Variants in MTERF4 observed in about 807,000 individuals in gnomAD.
MTERF4 encodes the protein transcription termination factor 4, mitochondrial.
A neutral mutation model predicts 22.5 loss-of-function variants in MTERF4; 17 were observed. The observed-to-expected ratio is 0.75, with a 90% CI of 0.52 to 1.13. The LOEUF is 1.13. MTERF4 is among the 50% of genes most tolerant of loss of function. The pLI, the probability that MTERF4 is intolerant of heterozygous loss-of-function variation, is 0.00. For missense variants in MTERF4, 420 were observed against 466.8 expected (o/e 0.90, Z 0.92); for synonymous variants, 165 against 175.3 (o/e 0.94, Z 0.47).
Position 241,078,250 on chromosome 2 carries a change from G to C in MTERF4, n.480-2568C>G, listed in dbSNP as rs1355212305. Among the ~76,000 whole-genome samples, 3 of 151,674 alleles carry C rather than the reference G, an allele frequency of 2.0e-5. 1 individual carries two copies. The highest frequency in any genetic ancestry group is 7.3e-5 in the African/African-American group (3 of 41,016). ...ATACAAAAATTAGCTGGGCGTGGTGGCGGGCGCCTGTAGTCCCAGCTCCTC... is the reference window on the plus strand; with the variant it reads ...ATACAAAAATTAGCTGGGCGTGGTGCCGGGCGCCTGTAGTCCCAGCTCCTC... On this transcript the variant is annotated intron_variant and non_coding_transcript_variant, in intron 4 of 4. Coordinates refer to the MTERF4 transcript ENST00000464344.
chr2:241,067,981 T>G (rs2062532928), downstream of MTERF4: 2 of 1,570,720 alleles, frequency 1.3e-6, no homozygotes, highest in Non-Finnish European at 1.7e-6. Context: ...GGGGCTGGGG[T>G]GAAGGCAGGG....
At chr2:241,101,685 C>G (rs1328101629) in intron 1 of MTERF4, among the ~76,000 whole-genome samples, 1 of 152,240 alleles carries the variant, frequency 6.6e-6, no homozygotes, top group Admixed American at 6.5e-5. Flanking sequence ...AGCCTAAAGA[C>G]CTCTATGCTG....
downstream of MTERF4, among the ~76,000 whole-genome samples, chr2:241,085,468 A>G (rs1416944608): frequency 6.6e-6 from 1 of 152,170 alleles, no homozygotes; most frequent in Non-Finnish European, 1.5e-5. Flanking sequence ...TATCTTCATT[A>G]TCTTTATATT....
chr2:241,053,263 G>A, the MTERF4 span: 51 of 1,602,164 alleles, frequency 3.2e-5, no homozygotes, highest in East Asian at 7.8e-4. Flanking sequence ...CAGCCTGAGC[G>A]CCCCCAGCCG....
At chr2:241,048,820 G>A in the MTERF4 span, 1 of 1,443,596 alleles carries the variant, frequency 6.9e-7, no homozygotes, top group East Asian at 2.4e-5. Context: ...TCATAATCGG[G>A]AAATGAATGG....
At chr2:241,087,722 A>G (rs1575141742), downstream of MTERF4, 1 of 1,344,440 alleles carries the variant, frequency 7.4e-7, no homozygotes, top group Non-Finnish European at 9.5e-7. Context: ...CTGGTTATGC[A>G]TATTCACACA....
At chr2:241,069,006 C>T (rs906032814), downstream of MTERF4, 8 of 1,552,062 alleles carry the variant, frequency 5.2e-6, no homozygotes, top group South Asian at 1.2e-5. This position sits in a 1 kb window ranked among gnomAD's most constrained non-coding sequence, Gnocchi z 4.9. Context: ...GCCACCGCGC[C>T]GACGCACGTG....
At chr2:241,069,035 A>G, downstream of MTERF4, 1 of 1,533,726 alleles carries the variant, frequency 6.5e-7, no homozygotes, top group Non-Finnish European at 8.8e-7. The surrounding 1 kb of genome is among the most constrained non-coding windows in gnomAD (Gnocchi z 4.9). Context: ...TGAGTAGAGC[A>G]GCGCGGCCCC....
chr2:241,047,889 A>G, the MTERF4 span, among the ~76,000 whole-genome samples: 53 of 145,620 alleles, frequency 3.6e-4, no homozygotes, highest in African/African-American at 1.3e-3. Flanking sequence ...GTTCTGTCCA[A>G]TCCTGGGTGG....
chr2:241,091,505 G>A (rs1266317049), downstream of MTERF4: 1 of 152,234 alleles, frequency 6.6e-6, no homozygotes, highest in Non-Finnish European at 1.5e-5. The surrounding 1 kb of genome is among the most constrained non-coding windows in gnomAD (Gnocchi z 4.1). Flanking sequence ...GAATCCTGGT[G>A]CTCTAAGAAC....
At chr2:241,090,807 C>T (rs2063910624), downstream of MTERF4, among the ~76,000 whole-genome samples, 1 of 150,314 alleles carries the variant, frequency 6.7e-6, no homozygotes. Context: ...GCAGAGGTTG[C>T]AGTGGGCTGA....
intron 4 of MTERF4, among the ~76,000 whole-genome samples, chr2:241,078,395 A>G (rs934103722): frequency 2.0e-5 from 3 of 149,190 alleles, no homozygotes; most frequent in Admixed American, 6.6e-5. Flanking sequence ...AAAAAAAAAA[A>G]AAAGAAAGAA....
intron 1 of MTERF4, among the ~76,000 whole-genome samples, chr2:241,100,372 A>G (rs1194353455): frequency 6.6e-6 from 1 of 152,230 alleles, no homozygotes; most frequent in African/African-American, 2.4e-5. Flanking sequence ...TGAGACACCA[A>G]GACCAAACTC....
chr2:241,097,160 C>A, intron 3 of MTERF4, 83 bp downstream of exon 3: 1 of 1,505,876 alleles, frequency 6.6e-7, no homozygotes, highest in South Asian at 1.2e-5. Context: ...CGGTACCAGT[C>A]ATTCTCACCT....
In MTERF4 at chr2:241,073,354, G is replaced by A. The variant is rs377687151; in HGVS notation, n.2808C>T. ...TCCAGCTCCCTGAACACGGCAGCAAGGACATCGGAAGTGAGTCAGCAGCGC... is the reference window on the plus strand; with the variant it reads ...TCCAGCTCCCTGAACACGGCAGCAAAGACATCGGAAGTGAGTCAGCAGCGC... On this transcript the variant is annotated non_coding_transcript_exon_variant, in exon 5 of 5. Transcript: ENST00000464344. This position sits in a 1 kb window ranked among gnomAD's most constrained non-coding sequence, Gnocchi z 6.6. 2 of 1,569,978 alleles carry A rather than the reference G, an allele frequency of 1.3e-6. No individual in the cohort carries two copies. The highest frequency in any genetic ancestry group is 1.7e-6 in the Non-Finnish European group (2 of 1,158,674).
Position 241,096,105 on chromosome 2 carries a change from C to T in MTERF4, c.1039G>A (p.Asp347Asn). Reference sequence around the variant, plus strand: ...TCATCCTCATCATTGTCCTCCTCATCATCGTCATCCTCATCCTCATCCAGA... The same window carrying T: ...TCATCCTCATCATTGTCCTCCTCATTATCGTCATCCTCATCCTCATCCAGA... ...ASLDEDEDDD[D>N]EEDNDEDDND... is the part of the protein sequence containing the mutation. The change falls in exon 4 of 4, where the codon GAT becomes AAT. Residue 347 changes from aspartate to asparagine, a missense_variant. By Grantham distance (23) the Asp-to-Asn change is conservative. Transcript: ENST00000391980. This position sits in a 1 kb window ranked among gnomAD's most constrained non-coding sequence, Gnocchi z 5.1. 6.2e-7 allele frequency: 1 copy of T among 1,613,628 alleles called. No homozygotes were observed. Among genetic ancestry groups the T allele is most frequent in the African/African-American group, 1.3e-5 (1 of 74,866 alleles).
In MTERF4 at chr2:241,073,774, G is replaced by A; in HGVS notation, n.2388C>T. ...GAGAAGCAGAGGGAGCAGCCACTGGGCGAGCCCCAGCTTGAGGACTAGCTG... is the reference window on the plus strand; with the variant it reads ...GAGAAGCAGAGGGAGCAGCCACTGGACGAGCCCCAGCTTGAGGACTAGCTG... On this transcript the variant is annotated non_coding_transcript_exon_variant, in exon 5 of 5. Transcript: ENST00000464344. This position sits in a 1 kb window ranked among gnomAD's most constrained non-coding sequence, Gnocchi z 6.6. The A allele has an allele frequency of 3.0e-6, 1 of 335,906 alleles. No homozygotes were observed. 20.8% of individuals were successfully genotyped at this position (335,906 alleles called of 1,614,324 possible). A position where few individuals can be genotyped will look rare whatever the true frequency, so the allele number is the denominator to read the frequency against.
At chr2:241,051,034 G>C in the MTERF4 span, among the ~76,000 whole-genome samples, 2,295 of 152,328 alleles carry the variant, frequency 0.015, 69 homozygotes, top group African/African-American at 0.051. This position sits in a 1 kb window ranked among gnomAD's most constrained non-coding sequence, Gnocchi z 4.7. Flanking sequence ...GTCCTCAGGG[G>C]TGGGGCAGCC....
chr2:241,060,262 A>C, the MTERF4 span, among the ~76,000 whole-genome samples: 1 of 151,466 alleles, frequency 6.6e-6, no homozygotes, highest in Non-Finnish European at 1.5e-5. Flanking sequence ...GGCTCACTGC[A>C]ACCTCCGCCT....
Sources: gnomAD v4.1 joint callset for allele counts (sites outside exome capture counted in the v4.1 genomes callset) on GRCh38, gnomAD v4.1.1 for gene constraint, Gnocchi (gnomAD v3.1) non-coding constraint, MANE v1.5 for transcripts, NCBI Gene and HGNC (gene_info 2026-07-23, HGNC 2026-07-21) for gene names.